SAG: variants seen among roughly 807,000 people sequenced by gnomAD.
SAG encodes S-antigen visual arrestin.
Under a neutral mutation model 55.0 loss-of-function variants are expected in SAG, and 45 were observed. That is an observed-to-expected ratio of 0.82 (90% confidence interval 0.64 to 1.05). The LOEUF is 1.05. Ranked by LOEUF, SAG falls within the 50% of genes least tolerant of loss-of-function variation. The pLI, the probability that SAG is intolerant of heterozygous loss-of-function variation, is 0.00. For missense variants in SAG, 455 were observed against 512.1 expected (o/e 0.89, Z 1.08); for synonymous variants, 189 against 197.4 (o/e 0.96, Z 0.36).
intron 5 of SAG, among the ~76,000 whole-genome samples, chr2:233,322,619 G>A (rs1241518197): frequency 2.0e-5 from 3 of 152,142 alleles, no homozygotes; most frequent in Non-Finnish European, 4.4e-5. Context: ...TGGGCAACAT[G>A]GTGAAACCCC....
rs1333381032 is a variant in SAG, at chr2:233,320,631, G to A, written c.183G>A (p.Val61=). The A allele has an allele frequency of 2.5e-6, 4 of 1,590,170 alleles. No homozygotes were observed. Among genetic ancestry groups the A allele is most frequent in the Middle Eastern group, 1.7e-4 (1 of 6,026 alleles). The change falls in exon 5 of 16, where the codon GTG becomes GTA. Residue 61 remains valine (V), a splice_region_variant and synonymous_variant. Transcript: ENST00000409110. ...ACCCTGCCTTCATCTCCCTTGCAGT[G>A]TATGTCACTCTGACCTGCGCCTTCC... ...VDPDLVKGKK[V]YVTLTCAFRY...
Position 233,331,692 on chromosome 2 carries a change from C to T in SAG, c.786C>T (p.Pro262=), listed in dbSNP as rs565335757. ...VLYSSDYYVK[P]VAMEEAQEKV... is the part of the protein sequence containing the mutation. The stretch of plus-strand genomic sequence containing the variant: ...ACTCGAGTGATTATTACGTCAAGCC[C>T]GTGGCTATGGAGGAAGCGCAGTGAG... Residue 262 remains proline (P), a synonymous_variant, in exon 10 of 16, where the codon CCC becomes CCT. Transcript: ENST00000409110. The T allele has an allele frequency of 2.5e-5, 40 of 1,613,556 alleles. No individual in the cohort carries two copies. In the South Asian group the frequency reaches 2.6e-4, roughly 11 times the overall value.
chr2:233,331,581 G>C (rs974780192), intron 9 of SAG, 59 bp from the exon 10 acceptor site: 1 of 1,109,068 alleles, frequency 9.0e-7, no homozygotes, highest in African/African-American at 1.5e-5. Flanking sequence ...AGGCCGCAGG[G>C]AAAGTGCACG....
chr2:233,330,098 C>A (rs1246182738), intron 9 of SAG, among the ~76,000 whole-genome samples: 1 of 152,156 alleles, frequency 6.6e-6, no homozygotes, highest in African/African-American at 2.4e-5. Flanking sequence ...AGGGGAGGTG[C>A]CTTCTGCCTG....
At chr2:233,325,382 A>AAATGGAATGG in intron 6 of SAG, among the ~76,000 whole-genome samples, 1 of 151,994 alleles carries the variant, frequency 6.6e-6, no homozygotes, top group African/African-American at 2.4e-5. Context: ...GAACAGAACA[A>AAATGGAATGG]AATGGAATGG....
intron 9 of SAG, among the ~76,000 whole-genome samples, chr2:233,329,858 C>A (rs1351468659): frequency 1.3e-5 from 2 of 152,212 alleles, no homozygotes; most frequent in African/African-American, 4.8e-5. Flanking sequence ...CCACAGTGCT[C>A]ATTGTGGTTG....
chr2:233,327,647 A>G (rs2125335785), intron 7 of SAG: 1 of 154,176 alleles, frequency 6.5e-6, no homozygotes, highest in African/African-American at 2.4e-5. Context: ...GGTTCAAGCG[A>G]TTCTCCTGCC....
At chr2:233,328,965 A>G (rs1700660597) in intron 8 of SAG, 1 of 252,686 alleles carries the variant, frequency 4.0e-6, no homozygotes, top group Admixed American at 5.4e-5. Flanking sequence ...GTGGTATCCC[A>G]AATTCTTCAC....
chr2:233,322,876 A>G (rs1054530478), intron 5 of SAG, 70 bp from the exon 6 acceptor site: 2 of 897,174 alleles, frequency 2.2e-6, no homozygotes, highest in Non-Finnish European at 1.7e-6. Context: ...TAATTTTTAC[A>G]TGATTATATA....
At chr2:233,343,831 CT>C in intron 14 of SAG, 1 of 900,632 alleles carries the variant, frequency 1.1e-6, no homozygotes, top group Non-Finnish European at 1.4e-6. Flanking sequence ...TTACAAATAG[CT>C]TTTCTATATT....
chr2:233,337,700 C>CT (rs926960448), intron 11 of SAG, among the ~76,000 whole-genome samples: 2 of 152,194 alleles, frequency 1.3e-5, no homozygotes, highest in Non-Finnish European at 2.9e-5. Flanking sequence ...CGCCCCAACT[C>CT]TTTTTCCAGA....
chr2:233,326,776 T>C (rs1700571527), intron 6 of SAG, among the ~76,000 whole-genome samples: 1 of 151,990 alleles, frequency 6.6e-6, no homozygotes, highest in African/African-American at 2.4e-5. Flanking sequence ...TGGAAGTCAG[T>C]AAGATGCATG....
At chr2:233,339,395 C>A (rs928840896) in intron 12 of SAG, among the ~76,000 whole-genome samples, 3 of 152,218 alleles carry the variant, frequency 2.0e-5, no homozygotes, top group Non-Finnish European at 4.4e-5. Flanking sequence ...GTAGTTCTGC[C>A]ATCAAAGGCA....
At chr2:233,314,617 A>G (rs1280076374) in intron 2 of SAG, among the ~76,000 whole-genome samples, 2 of 152,226 alleles carry the variant, frequency 1.3e-5, no homozygotes, top group African/African-American at 4.8e-5. Flanking sequence ...CGCTGCTCAC[A>G]GGTGCCAGGC....
At position 233,309,220 on chromosome 2, in the gene SAG, G is replaced by A. The variant is rs200078242; in HGVS notation, c.31G>A (p.Glu11Lys). The A allele has an allele frequency of 3.2e-4, 521 of 1,613,776 alleles. 2 individuals carry two copies. The African/African-American group carries it at 3.3e-3, about 10-fold the overall frequency. The change falls in exon 2 of 16, where the codon GAA (glutamate) becomes AAA (lysine). Residue 11 changes from glutamate to lysine, a missense_variant. Physicochemically the swap from Glu to Lys is moderately conservative, Grantham distance 56 (BLOSUM62 1). Coordinates refer to ENST00000409110, the MANE Select transcript of SAG (RefSeq NM_000541.5). MAASGKTSKS[E>K]PNHVIFKKIS... ...AGCCAGCGGGAAGACCAGCAAGTCC[G>A]AACCGAACCATGTTATCTTCAAGAA...
At position 233,319,812 on chromosome 2, in the gene SAG, G is replaced by A. The variant is rs920331587; in HGVS notation, c.182-818G>A. ...CCTTCTTAGTCCTGAGCTTGAATGA[G>A]GGGCGAGTGAGTGGCCACTGTTTCT... On this transcript the variant is annotated intron_variant, in intron 4 of 15. Transcript: ENST00000409110. The surrounding 1 kb of genome is among the most constrained non-coding windows in gnomAD (Gnocchi z 4.4). The A allele has an allele frequency of 3.0e-6, 3 of 985,640 alleles. No individual in the cohort carries two copies. The highest frequency in any genetic ancestry group is 3.5e-5 in the African/African-American group (2 of 57,242). 61.1% of individuals were successfully genotyped at this position (985,640 alleles called of 1,614,324 possible).
At chr2:233,310,469 C>G (rs1700047397) in intron 2 of SAG, among the ~76,000 whole-genome samples, 1 of 149,980 alleles carries the variant, frequency 6.7e-6, no homozygotes, top group South Asian at 2.1e-4. Context: ...TAAGCAGTGG[C>G]TACCCTACTG....
In SAG at chr2:233,346,474, C is replaced by T. The variant is rs1701255783; in HGVS notation, c.1112+62C>T. 9 of 1,554,126 alleles carry T rather than the reference C, an allele frequency of 5.8e-6. No individual in the cohort carries two copies. The Admixed American group carries it at 1.0e-4, about 17-fold the overall frequency. ...TATGCTCTGGGACCTTCTCCTCCAG[C>T]ACAAAACCCTCTTTGAGTCTTTGCA... is the stretch of plus-strand genomic sequence containing the variant. On this transcript the variant is annotated intron_variant, in intron 15 of 15. Transcript: ENST00000409110.
chr2:233,318,619 C>A, intron 3 of SAG, 132 bp from the exon 4 acceptor site: 1 of 785,758 alleles, frequency 1.3e-6, no homozygotes, highest in Non-Finnish European at 2.1e-6. Flanking sequence ...TTTCCCTTTG[C>A]CTGACTTTTC....
Sources: gnomAD v4.1 joint callset for allele counts (sites outside exome capture counted in the v4.1 genomes callset) on GRCh38, gnomAD v4.1.1 for gene constraint, Gnocchi (gnomAD v3.1) non-coding constraint, MANE v1.5 for transcripts, NCBI Gene and HGNC (gene_info 2026-07-23, HGNC 2026-07-21) for gene names.